The following CELF2 variants were observed in gnomAD, a reference collection of about 807,000 sequenced individuals.
CELF2 encodes CUGBP Elav-like family member 2.
Under a neutral mutation model 62.6 loss-of-function variants are expected in CELF2, and 8 were observed. The ratio of observed to expected loss-of-function variants is 0.13; its 90% CI spans 0.07 to 0.23. The LOEUF (loss-of-function observed/expected upper bound fraction) is 0.23, where lower values mean the gene tolerates loss of function less well. Among genes scored for constraint, CELF2 ranks in the 10% least tolerant of loss-of-function variants. The probability of loss-of-function intolerance (pLI) is 1.00; values close to 1 mark genes in which losing one functional copy is unlikely to be tolerated. For missense variants in CELF2, 333 were observed against 671.0 expected (o/e 0.50, Z 5.56); for synonymous variants, 258 against 250.0 (o/e 1.03, Z -0.30).
At chr10:11,057,264 C>G (rs2065486993) in intron 1 of CELF2, among the ~76,000 whole-genome samples, 1 of 148,096 alleles carries the variant, frequency 6.8e-6, no homozygotes, top group Non-Finnish European at 1.5e-5. Context: ...AGAGCGATGC[C>G]TGGGCCTCTA....
the CELF2 span, among the ~76,000 whole-genome samples, chr10:10,745,476 CTT>C: frequency 4.6e-5 from 7 of 152,308 alleles, no homozygotes; most frequent in South Asian, 4.1e-4. Flanking sequence ...GGTGAGCTCT[CTT>C]TGAAGTCGAG....
chr10:10,980,501 G>A (rs941414213), intron 2 of CELF2, among the ~76,000 whole-genome samples: 5 of 152,166 alleles, frequency 3.3e-5, no homozygotes, highest in Non-Finnish European at 5.9e-5. Flanking sequence ...AGCTCACTGT[G>A]CTTCTTCTGG....
chr10:11,224,554 G>A lies in CELF2; in HGVS notation c.354+7047G>A, dbSNP rs1256826312. ...GGGGGATCCATGAATTTGATTAAAG[G>A]TCTGCATGGAATTACAGAGGAAGGA... On this transcript the variant is annotated intron_variant, in intron 3 of 12. Coordinates refer to ENST00000633077, the MANE Select transcript of CELF2 (RefSeq NM_001326342.2). The surrounding 1 kb of genome is among the most constrained non-coding windows in gnomAD (Gnocchi z 4.5). Among the ~76,000 whole-genome samples the A allele has an allele frequency of 6.6e-6, 1 of 152,154 alleles. No homozygotes were observed. Among genetic ancestry groups the A allele is most frequent in the African/African-American group, 2.4e-5 (1 of 41,440 alleles).
rs1268246207 is a variant in CELF2, at chr10:11,243,644, C to T, written c.355-5509C>T. Reference sequence around the variant, plus strand: ...GTAATAGACTCATTAATTGTTTCATCGTGACTCAGGAAAACCACTCTGTAA... The same window carrying T: ...GTAATAGACTCATTAATTGTTTCATTGTGACTCAGGAAAACCACTCTGTAA... On this transcript the variant is annotated intron_variant, in intron 3 of 12. Coordinates refer to ENST00000633077, the MANE Select transcript of CELF2 (RefSeq NM_001326342.2). The surrounding 1 kb of genome is among the most constrained non-coding windows in gnomAD (Gnocchi z 4.1). 6.6e-6 allele frequency among the ~76,000 whole-genome samples: 1 copy of T among 152,174 alleles called. No homozygotes were observed. The highest frequency in any genetic ancestry group is 1.5e-5 in the Non-Finnish European group (1 of 68,042).
At chr10:11,031,522 G>T (rs539282155) in intron 1 of CELF2, among the ~76,000 whole-genome samples, 1 of 152,192 alleles carries the variant, frequency 6.6e-6, no homozygotes, top group African/African-American at 2.4e-5. Context: ...TCATGCATGG[G>T]TTGGCCTAAC....
intron 2 of CELF2, among the ~76,000 whole-genome samples, chr10:11,175,333 A>C (rs948491817): frequency 1.3e-5 from 2 of 152,242 alleles, no homozygotes; most frequent in Non-Finnish European, 2.9e-5. Context: ...CATGAGATTG[A>C]AAAGGGGGAA....
chr10:10,900,459 C>A (rs1323421091), intron 1 of CELF2, among the ~76,000 whole-genome samples: 2 of 151,972 alleles, frequency 1.3e-5, no homozygotes, highest in Non-Finnish European at 2.9e-5. Flanking sequence ...GGAGAAAAAC[C>A]ACATAATCAT....
intron 1 of CELF2, among the ~76,000 whole-genome samples, chr10:11,033,414 C>A (rs949127869): frequency 2.6e-5 from 4 of 152,088 alleles, no homozygotes; most frequent in Non-Finnish European, 5.9e-5. Context: ...TGCGCCACCA[C>A]ACCCGGCTAA....
At chr10:10,893,860 C>G (rs1471190295) in intron 1 of CELF2, among the ~76,000 whole-genome samples, 2 of 152,238 alleles carry the variant, frequency 1.3e-5, no homozygotes, top group East Asian at 1.9e-4. Context: ...AGAAACCTCC[C>G]CCCATGATCT....
At chr10:10,701,873 C>T in the CELF2 span, among the ~76,000 whole-genome samples, 1 of 152,192 alleles carries the variant, frequency 6.6e-6, no homozygotes, top group Non-Finnish European at 1.5e-5. Flanking sequence ...AGCTACCCAC[C>T]TTTGCCCAAG....
rs930042900 is a variant in CELF2 at position 11,136,782 on chromosome 10, C to G, written c.75-28704C>G. ...AATTTTCCCACATCCTGATTCCATC[C>G]TACTTCTAGTGTTTTGTTATTTTAA... On this transcript the variant is annotated intron_variant, in intron 1 of 12. Coordinates refer to ENST00000633077, the MANE Select transcript of CELF2 (RefSeq NM_001326342.2). 2.6e-5 allele frequency among the ~76,000 whole-genome samples: 4 copies of G among 152,252 alleles called. No homozygotes were observed. In the East Asian group the frequency reaches 7.7e-4, roughly 29 times the overall value.
At chr10:11,148,082 C>T (rs544941091) in intron 1 of CELF2, among the ~76,000 whole-genome samples, 14 of 152,296 alleles carry the variant, frequency 9.2e-5, no homozygotes, top group Admixed American at 8.5e-4. Context: ...TGAAAGTGAC[C>T]CCAGTCCGGC....
intron 2 of CELF2, among the ~76,000 whole-genome samples, chr10:10,982,438 T>C (rs1392040935): frequency 1.3e-5 from 2 of 152,032 alleles, no homozygotes; most frequent in African/African-American, 2.4e-5. Context: ...ACACAGAAAA[T>C]GAATTATTGG....
chr10:10,624,160 G>A, the CELF2 span, among the ~76,000 whole-genome samples: 2 of 152,208 alleles, frequency 1.3e-5, no homozygotes, highest in African/African-American at 4.8e-5. Context: ...ACAGATCCCT[G>A]TCTCCGTGGC....
intron 4 of CELF2, 134 bp from the exon 5 acceptor site, chr10:11,257,604 C>G (rs755621910): frequency 2.3e-6 from 2 of 881,068 alleles, no homozygotes; most frequent in East Asian, 2.7e-5. Flanking sequence ...GACAGCTGGA[C>G]GTCTGCAGAG....
At chr10:11,133,107 C>A (rs935755578) in intron 1 of CELF2, among the ~76,000 whole-genome samples, 2 of 152,116 alleles carry the variant, frequency 1.3e-5, no homozygotes, top group Non-Finnish European at 2.9e-5. Context: ...TACTTTAGAA[C>A]GCTAGCATCA....
chr10:11,258,768 C>A (rs1212477410), intron 5 of CELF2, among the ~76,000 whole-genome samples: 4 of 152,204 alleles, frequency 2.6e-5, no homozygotes, highest in Non-Finnish European at 5.9e-5. Flanking sequence ...CTCACTGCAG[C>A]CTCCACCTCC....
In CELF2 at chr10:11,321,451, G is replaced by A. The variant is rs1414441617; in HGVS notation, c.1294+65G>A. The A allele has an allele frequency of 1.4e-5, 18 of 1,293,604 alleles. No homozygotes were observed. Among genetic ancestry groups the A allele is most frequent in the South Asian group, 6.2e-5 (5 of 80,512 alleles). 80.1% of individuals were successfully genotyped at this position (1,293,604 alleles called of 1,614,324 possible). On this transcript the variant is annotated intron_variant, in intron 11 of 12. Transcript: ENST00000633077. The surrounding 1 kb of genome is among the most constrained non-coding windows in gnomAD (Gnocchi z 6.2). Reference sequence around the variant, plus strand: ...CAGGCAGCACTGGCCTCTAGAGCACGGTTAGAAGGTATCAAATTGAACTGA... The same window carrying A: ...CAGGCAGCACTGGCCTCTAGAGCACAGTTAGAAGGTATCAAATTGAACTGA...
At chr10:10,607,699 C>G in the CELF2 span, among the ~76,000 whole-genome samples, 1 of 152,142 alleles carries the variant, frequency 6.6e-6, no homozygotes, top group Non-Finnish European at 1.5e-5. Context: ...GAATCATTTT[C>G]AATTAGATTC....
Sources: gnomAD v4.1 joint callset for allele counts (sites outside exome capture counted in the v4.1 genomes callset) on GRCh38, gnomAD v4.1.1 for gene constraint, Gnocchi (gnomAD v3.1) non-coding constraint, MANE v1.5 for transcripts, NCBI Gene and HGNC (gene_info 2026-07-23, HGNC 2026-07-21) for gene names.